Variants in RNF4 observed in about 807,000 individuals in gnomAD.
RNF4 encodes ring finger protein 4, also known as E3 ubiquitin-protein ligase RNF4.
RNF4 carries 7 observed loss-of-function variants against 24.3 expected under a neutral mutation model. The ratio of observed to expected loss-of-function variants is 0.29; its 90% CI spans 0.16 to 0.54. The LOEUF (loss-of-function observed/expected upper bound fraction) is 0.54, where lower values mean the gene tolerates loss of function less well. RNF4 is among the 20% of genes least tolerant of loss of function. The pLI, the probability that RNF4 is intolerant of heterozygous loss-of-function variation, is 0.95. For synonymous variants in RNF4, 83 were observed against 84.3 expected, an observed-to-expected ratio of 0.98 and a Z score of 0.09; for missense variants, 209 against 248.5, an observed-to-expected ratio of 0.84 and a Z score of 1.07.
chr4:2,498,810 G>C (rs929493568), intron 3 of RNF4, among the ~76,000 whole-genome samples: 12 of 152,160 alleles, frequency 7.9e-5, no homozygotes, highest in African/African-American at 2.9e-4. Flanking sequence ...AGGATCACTT[G>C]AGCCTGGAAC....
intron 1 of RNF4, among the ~76,000 whole-genome samples, chr4:2,489,390 G>T (rs888086553): frequency 6.6e-6 from 1 of 152,172 alleles, no homozygotes. Context: ...CGTTCCTGTC[G>T]TTTCCGCCAC....
intron 2 of RNF4, among the ~76,000 whole-genome samples, chr4:2,493,529 G>T (rs1164391232): frequency 6.6e-6 from 1 of 151,924 alleles, no homozygotes; most frequent in Non-Finnish European, 1.5e-5. Flanking sequence ...GGATCACAAG[G>T]TCAGGAGTTC....
At position 2,512,625 on chromosome 4, in the gene RNF4, C is replaced by T. The variant is rs374610233; in HGVS notation, c.374+28C>T. 9.9e-6 allele frequency: 16 copies of T among 1,611,116 alleles called. No homozygotes were observed. Among genetic ancestry groups the T allele is most frequent in the South Asian group, 4.4e-5 (4 of 90,782 alleles). The stretch of plus-strand genomic sequence containing the variant: ...ACCAACGTGCCCCCAGCTCTGCTGC[C>T]GCCATGCTAGGATGTGGGGCCAGGG... On this transcript the variant is annotated intron_variant, in intron 6 of 7. Coordinates refer to ENST00000314289, the MANE Select transcript of RNF4 (RefSeq NM_002938.5). This position sits in a 1 kb window ranked among gnomAD's most constrained non-coding sequence, Gnocchi z 4.1.
intron 4 of RNF4, among the ~76,000 whole-genome samples, chr4:2,510,973 A>G (rs1326787048): frequency 6.6e-6 from 1 of 152,232 alleles, no homozygotes; most frequent in Admixed American, 6.5e-5. Context: ...CGCATTGGTC[A>G]TGCATAGCCT....
intron 1 of RNF4, among the ~76,000 whole-genome samples, chr4:2,473,301 T>C (rs1477685449): frequency 6.7e-6 from 1 of 150,002 alleles, no homozygotes; most frequent in Non-Finnish European, 1.5e-5. Flanking sequence ...GGTTAATCGC[T>C]TGGGCCCAGG....
At chr4:2,485,330 C>T (rs1257388380) in intron 1 of RNF4, among the ~76,000 whole-genome samples, 1 of 152,168 alleles carries the variant, frequency 6.6e-6, no homozygotes, top group East Asian at 1.9e-4. Context: ...GTGACGGCTC[C>T]AGGTTCTCCT....
At chr4:2,499,130 G>C (rs1735833248) in intron 3 of RNF4, among the ~76,000 whole-genome samples, 2 of 152,020 alleles carry the variant, frequency 1.3e-5, no homozygotes, top group Admixed American at 6.6e-5. Flanking sequence ...CTGGGAGGCA[G>C]AGGTTGCAGT....
intron 4 of RNF4, chr4:2,506,032 A>G (rs886411251): frequency 6.6e-6 from 1 of 152,176 alleles, no homozygotes; most frequent in African/African-American, 2.4e-5. Context: ...TTTTGCCCTG[A>G]ACATCTTGAA....
intron 4 of RNF4, chr4:2,505,357 G>A (rs549220347): frequency 1.9e-4 from 28 of 144,470 alleles, no homozygotes; most frequent in East Asian, 4.0e-4. Context: ...ATGGAGTCTC[G>A]CTCTGTTGCC....
Position 2,506,637 on chromosome 4 carries a change from G to A in RNF4, c.205-5319G>A, listed in dbSNP as rs142860373. On this transcript the variant is annotated intron_variant, in intron 4 of 7. Transcript: ENST00000314289. The stretch of plus-strand genomic sequence containing the variant: ...GGCTGGAGTGCAGTGGTGCCATCAC[G>A]GCTCACTGCAGCCTGTACCTTCTGG... Among the ~76,000 whole-genome samples, 768 of 150,634 alleles carry A rather than the reference G, an allele frequency of 5.1e-3. 8 individuals are homozygous for A. Among genetic ancestry groups the A allele is most frequent in the African/African-American group, 0.018 (738 of 40,924 alleles).
intron 1 of RNF4, among the ~76,000 whole-genome samples, chr4:2,488,472 A>C (rs1337705511): frequency 6.6e-6 from 1 of 151,998 alleles, no homozygotes; most frequent in Non-Finnish European, 1.5e-5. Flanking sequence ...AACAACAACA[A>C]CAAAAAAAAA....
At position 2,515,059 on chromosome 4, in the gene RNF4, G is replaced by C. The variant is rs1203525827; in HGVS notation, c.*1240G>C. The C allele has an allele frequency of 4.1e-4, 2 of 4,856 alleles. No individual in the cohort carries two copies. The highest frequency in any genetic ancestry group is 7.6e-4 in the African/African-American group (2 of 2,642). 0.3% of individuals were successfully genotyped at this position (4,856 alleles called of 1,614,324 possible). On this transcript the variant is annotated 3_prime_UTR_variant, in exon 8 of 8. Transcript: ENST00000314289. ...GCTGCCCCTGACAGCACAGGGCCTG[G>C]GGGGTGGCTAACGAGAGAGGCCTTA...
chr4:2,491,076 A>G (rs1050470236), intron 2 of RNF4, among the ~76,000 whole-genome samples: 26 of 152,166 alleles, frequency 1.7e-4, no homozygotes, highest in African/African-American at 5.8e-4. Context: ...GTGAGACTCT[A>G]TAAAGTATTT....
intron 1 of RNF4, among the ~76,000 whole-genome samples, chr4:2,470,431 T>C (rs1451766267): frequency 1.3e-5 from 2 of 152,244 alleles, no homozygotes; most frequent in Non-Finnish European, 2.9e-5. Context: ...TGAGGTGAAA[T>C]AGAGGCATTC....
intron 3 of RNF4, among the ~76,000 whole-genome samples, chr4:2,497,930 G>A (rs189668480): frequency 1.3e-5 from 2 of 152,206 alleles, no homozygotes; most frequent in African/African-American, 2.4e-5. Context: ...CACTGCACCC[G>A]GCCATGCAAA....
At chr4:2,492,710 C>T (rs1735617761) in intron 2 of RNF4, among the ~76,000 whole-genome samples, 3 of 152,162 alleles carry the variant, frequency 2.0e-5, no homozygotes, top group Admixed American at 2.0e-4. Context: ...TCTTCTGTTA[C>T]TTCCTGGCCG....
intron 3 of RNF4, among the ~76,000 whole-genome samples, chr4:2,497,540 C>T (rs981751024): frequency 4.6e-5 from 7 of 152,338 alleles, no homozygotes; most frequent in African/African-American, 1.7e-4. Context: ...ATTTCCCCTT[C>T]TGCCTGCTCA....
Position 2,512,906 on chromosome 4 carries a change from C to T in RNF4, c.375-177C>T, listed in dbSNP as rs113424841. The stretch of plus-strand genomic sequence containing the variant: ...TTGTGTGCACCTTCTCATGTTCACC[C>T]TCCCACATGCCCTTGGGGCAGTTGG... On this transcript the variant is annotated intron_variant, in intron 6 of 7. Coordinates refer to ENST00000314289, the MANE Select transcript of RNF4 (RefSeq NM_002938.5). This position sits in a 1 kb window ranked among gnomAD's most constrained non-coding sequence, Gnocchi z 4.1. 6.6e-6 allele frequency among the ~76,000 whole-genome samples: 1 copy of T among 152,290 alleles called. No homozygotes were observed. The highest frequency in any genetic ancestry group is 2.4e-5 in the African/African-American group (1 of 41,558).
At chr4:2,493,805 G>C (rs1011182825) in intron 2 of RNF4, among the ~76,000 whole-genome samples, 1 of 150,656 alleles carries the variant, frequency 6.6e-6, no homozygotes, top group Admixed American at 6.6e-5. Context: ...GAGGACAAAG[G>C]ACATTGTCAA....
Sources: allele counts gnomAD v4.1 joint callset (sites outside exome capture counted in the v4.1 genomes callset), GRCh38; gene constraint gnomAD v4.1.1; non-coding constraint Gnocchi (gnomAD v3.1); transcripts MANE v1.5; gene names NCBI Gene and HGNC (gene_info 2026-07-23, HGNC 2026-07-21).